BLTP1: variants seen among roughly 807,000 people sequenced by gnomAD.
BLTP1 encodes bridge-like lipid transfer protein family member 1.
At chr4:122,308,289 A>G in the BLTP1 span, 2 of 998,510 alleles carry the variant, frequency 2.0e-6, no homozygotes, top group African/African-American at 1.6e-5. Context: ...GGTAGCAAGT[A>G]AGATTGAATT....
At chr4:122,346,275 T>G in the BLTP1 span, among the ~76,000 whole-genome samples, 5 of 152,202 alleles carry the variant, frequency 3.3e-5, no homozygotes, top group African/African-American at 1.2e-4. Context: ...TTACAATTCC[T>G]TTTGAGAAAA....
At chr4:122,247,615 T>G in the BLTP1 span, 128 of 1,204,360 alleles carry the variant, frequency 1.1e-4, 4 homozygotes, top group Admixed American at 4.2e-3. Context: ...CCCATGTTTC[T>G]ATTTCCCATG....
At chr4:122,159,937 T>G in the BLTP1 span, among the ~76,000 whole-genome samples, 4 of 152,236 alleles carry the variant, frequency 2.6e-5, no homozygotes, top group African/African-American at 9.6e-5. Context: ...TTGTTGTGTA[T>G]AGAATCCTGG....
At chr4:122,174,195 C>T in the BLTP1 span, 257 of 985,164 alleles carry the variant, frequency 2.6e-4, no homozygotes, top group African/African-American at 4.0e-3. Flanking sequence ...AAACATAAAT[C>T]GTCTTCCATT....
the BLTP1 span, among the ~76,000 whole-genome samples, chr4:122,262,148 T>TTGTATGTG: frequency 7.5e-6 from 1 of 133,430 alleles, no homozygotes; most frequent in Admixed American, 7.8e-5. Flanking sequence ...TACAGATCCT[T>TTGTATGTG]TGTGTGTGTG....
the BLTP1 span, chr4:122,200,218 C>T: frequency 3.1e-6 from 3 of 983,152 alleles, no homozygotes; most frequent in African/African-American, 1.7e-5. Context: ...AATTCTTCAT[C>T]TATTGCTGAT....
chr4:122,219,659 A>G, the BLTP1 span: 1 of 856,088 alleles, frequency 1.2e-6, no homozygotes, highest in East Asian at 2.6e-5. Context: ...TAGAAAAAGA[A>G]AATCAGATTT....
At chr4:122,322,002 TTTTTTTTTTTTTTG>T in the BLTP1 span, among the ~76,000 whole-genome samples, 1 of 81,300 alleles carries the variant, frequency 1.2e-5, no homozygotes, top group Non-Finnish European at 2.8e-5. Flanking sequence ...TTTTTTTTTT[TTTTTTTTTTTTTTG>T]GCATTTATCC....
At chr4:122,238,265 A>G in the BLTP1 span, 1 of 1,614,148 alleles carries the variant, frequency 6.2e-7, no homozygotes, top group Non-Finnish European at 8.5e-7. Context: ...GGCTGGTGAA[A>G]AGGAAAGTCC....
At chr4:122,294,420 G>C in the BLTP1 span, among the ~76,000 whole-genome samples, 6 of 152,222 alleles carry the variant, frequency 3.9e-5, no homozygotes, top group African/African-American at 1.4e-4. Context: ...CATCTTTGCT[G>C]TTTCACAGCC....
At chr4:122,206,482 C>T in the BLTP1 span, among the ~76,000 whole-genome samples, 1 of 151,780 alleles carries the variant, frequency 6.6e-6, no homozygotes, top group Admixed American at 6.6e-5. Flanking sequence ...GAAAAATATT[C>T]CTAAATTTTG....
the BLTP1 span, chr4:122,204,818 G>A: frequency 1.2e-6 from 1 of 848,662 alleles, no homozygotes. Flanking sequence ...TAGTTAGGTA[G>A]GAGTAAAAGA....
At chr4:122,273,376 T>C in the BLTP1 span, 1 of 984,786 alleles carries the variant, frequency 1.0e-6, no homozygotes, top group Admixed American at 6.2e-5. Context: ...CTGAAAAAAT[T>C]AGGTGGACTG....
the BLTP1 span, among the ~76,000 whole-genome samples, chr4:122,358,925 T>G: frequency 6.6e-6 from 1 of 152,154 alleles, no homozygotes; most frequent in Non-Finnish European, 1.5e-5. Context: ...AAGACTTGTC[T>G]TTATAAAGAG....
At chr4:122,290,786 CAAAAAAAAAAAAA>C in the BLTP1 span, 2 of 22,626 alleles carry the variant, frequency 8.8e-5, no homozygotes, top group East Asian at 1.6e-3. Context: ...GATTCCGTCT[CAAAAAAAAAAAAA>C]AAAAAAAAAA....
chr4:122,316,166 A>G, the BLTP1 span, among the ~76,000 whole-genome samples: 1 of 152,222 alleles, frequency 6.6e-6, no homozygotes, highest in Non-Finnish European at 1.5e-5. Flanking sequence ...ACGTATTTTC[A>G]TCTATACTAT....
chr4:122,224,714 C>G, the BLTP1 span: 1 of 1,613,674 alleles, frequency 6.2e-7, no homozygotes, highest in Non-Finnish European at 8.5e-7. Flanking sequence ...GACTTATTTT[C>G]TTTTTCCTTT....
the BLTP1 span, chr4:122,302,072 AAAAC>A: frequency 4.7e-5 from 11 of 235,812 alleles, no homozygotes; most frequent in East Asian, 1.8e-4. Context: ...CCTGTCTTAA[AAAAC>A]AAACAAAGAC....
chr4:122,213,558 TA>T, the BLTP1 span, among the ~76,000 whole-genome samples: 2 of 152,030 alleles, frequency 1.3e-5, no homozygotes, highest in East Asian at 3.8e-4. Flanking sequence ...TTTTTTTAGT[TA>T]TCAAAATTAA....
Sources: allele counts gnomAD v4.1 joint callset (sites outside exome capture counted in the v4.1 genomes callset), GRCh38; gene constraint gnomAD v4.1.1; transcripts MANE v1.5; gene names NCBI Gene and HGNC (gene_info 2026-07-23, HGNC 2026-07-21).